Variants in NTPCR observed in about 807,000 individuals in gnomAD.
The protein encoded by NTPCR is cancer-related nucleoside-triphosphatase.
NTPCR carries 15 observed loss-of-function variants against 19.5 expected under a neutral mutation model. The observed-to-expected ratio is 0.77, with a 90% confidence interval of 0.51 to 1.18. The LOEUF (loss-of-function observed/expected upper bound fraction) is 1.18, where lower values mean the gene tolerates loss of function less well. Ranked by LOEUF, NTPCR falls within the 50% of genes most tolerant of loss-of-function variation. The probability of loss-of-function intolerance (pLI) is 0.00; values close to 1 mark genes in which losing one functional copy is unlikely to be tolerated. For synonymous variants in NTPCR, 90 were observed against 95.8 expected (o/e 0.94, Z 0.36); for missense variants, 206 against 240.4 (o/e 0.86, Z 0.95).
chr1:232,967,130 G>A (rs2102750743), intron 3 of NTPCR: 1 of 152,324 alleles, frequency 6.6e-6, no homozygotes, highest in East Asian at 1.9e-4. Flanking sequence ...TTAGAACAAT[G>A]TAAAGGGGGT....
At chr1:232,965,734 GGACT>G (rs1348458871) in intron 3 of NTPCR, 4 of 152,248 alleles carry the variant, frequency 2.6e-5, no homozygotes, top group Admixed American at 2.6e-4. Flanking sequence ...CCGTCTCACT[GGACT>G]GACTGTCAGC....
At chr1:232,953,873 G>T (rs1019787849) in intron 1 of NTPCR, among the ~76,000 whole-genome samples, 1 of 152,030 alleles carries the variant, frequency 6.6e-6, no homozygotes, top group Non-Finnish European at 1.5e-5. Context: ...TGGTTGCATG[G>T]TATTTCTGTG....
At chr1:232,953,590 A>AC (rs2102736076) in intron 1 of NTPCR, among the ~76,000 whole-genome samples, 2 of 150,486 alleles carry the variant, frequency 1.3e-5, no homozygotes, top group South Asian at 4.2e-4. Context: ...TAAGAGTAAG[A>AC]CCCATTCAGT....
At chr1:232,974,369 G>T (rs115565470) in intron 4 of NTPCR, among the ~76,000 whole-genome samples, 1 of 152,310 alleles carries the variant, frequency 6.6e-6, no homozygotes, top group Non-Finnish European at 1.5e-5. Flanking sequence ...TTATCAGAAA[G>T]GAAATGGTAA....
At chr1:232,974,718 G>A (rs1204301479) in intron 4 of NTPCR, among the ~76,000 whole-genome samples, 7 of 152,158 alleles carry the variant, frequency 4.6e-5, no homozygotes, top group African/African-American at 1.7e-4. Context: ...TCTATCCACT[G>A]GAGTTTTAGC....
chr1:232,964,412 A>G (rs1011912153), intron 3 of NTPCR: 1 of 152,038 alleles, frequency 6.6e-6, no homozygotes, highest in Non-Finnish European at 1.5e-5. Context: ...TATAGTTACT[A>G]TTTTTTTCTT....
chr1:232,958,581 G>A (rs975005226), intron 3 of NTPCR, among the ~76,000 whole-genome samples: 29 of 152,320 alleles, frequency 1.9e-4, no homozygotes, highest in Admixed American at 5.2e-4. Flanking sequence ...AACCCACCAA[G>A]TTCTCCTTTT....
chr1:232,959,272 C>G (rs1383296934), intron 3 of NTPCR, among the ~76,000 whole-genome samples: 1 of 152,110 alleles, frequency 6.6e-6, no homozygotes, highest in Non-Finnish European at 1.5e-5. Flanking sequence ...CCCCTGCACT[C>G]TCTCTCTCCC....
intron 4 of NTPCR, among the ~76,000 whole-genome samples, chr1:232,974,606 C>T (rs764973074): frequency 1.8e-4 from 28 of 152,208 alleles, no homozygotes; most frequent in East Asian, 7.7e-4. Context: ...TCTTTGGCAC[C>T]TCCTATTACC....
Position 232,982,505 on chromosome 1 carries a change from C to T in NTPCR, c.*4274C>T, listed in dbSNP as rs934002167. The T allele has an allele frequency of 3.3e-5, 5 of 152,220 alleles. No individual in the cohort carries two copies. The highest frequency in any genetic ancestry group is 7.3e-5 in the Non-Finnish European group (5 of 68,052). 9.4% of individuals were successfully genotyped at this position (152,220 alleles called of 1,614,324 possible). A position where few individuals can be genotyped will look rare whatever the true frequency, so the allele number is the denominator to read the frequency against. The stretch of plus-strand genomic sequence containing the variant: ...TCCCTCCTCCCCACAAAAGATGCCA[C>T]GAGAACTCGTGAACTGTGATAAGCA... On this transcript the variant is annotated 3_prime_UTR_variant, in exon 5 of 5. Coordinates refer to ENST00000366628, the MANE Select transcript of NTPCR (RefSeq NM_032324.3).
chr1:232,960,882 A>G (rs1668653617), intron 3 of NTPCR, among the ~76,000 whole-genome samples: 1 of 152,224 alleles, frequency 6.6e-6, no homozygotes, highest in Non-Finnish European at 1.5e-5. Context: ...ATTATAAAAA[A>G]TGTAAAATAA....
intron 4 of NTPCR, chr1:232,976,633 C>T: frequency 1.4e-6 from 2 of 1,411,430 alleles, no homozygotes; most frequent in East Asian, 2.6e-5. Flanking sequence ...TGACTGTCCT[C>T]ATTTCAAGTG....
intron 4 of NTPCR, among the ~76,000 whole-genome samples, chr1:232,974,226 A>G (rs998107176): frequency 6.6e-6 from 1 of 152,238 alleles, no homozygotes; most frequent in African/African-American, 2.4e-5. Context: ...GAAGGCCAGA[A>G]GGAGGTGGTA....
At chr1:232,977,239 CCT>C (rs1669149548) in intron 4 of NTPCR, 1 of 152,854 alleles carries the variant, frequency 6.5e-6, no homozygotes, top group South Asian at 2.1e-4. Context: ...CACACATGCC[CCT>C]GTTCCTGCCT....
intron 3 of NTPCR, chr1:232,962,808 G>C (rs1668703655): frequency 6.6e-6 from 1 of 152,180 alleles, no homozygotes; most frequent in South Asian, 2.1e-4. Flanking sequence ...TTTGAGAGCA[G>C]GATCTACTTT....
intron 3 of NTPCR, chr1:232,968,128 G>A (rs932696546): frequency 6.6e-6 from 1 of 152,176 alleles, no homozygotes; most frequent in Non-Finnish European, 1.5e-5. Flanking sequence ...CCCCAGGAAG[G>A]ATGCGGACGA....
In NTPCR at chr1:232,978,864, A is replaced by G. The variant is rs1669218453; in HGVS notation, c.*633A>G. The G allele has an allele frequency of 6.6e-6, 1 of 152,246 alleles. No individual in the cohort carries two copies. The highest frequency in any genetic ancestry group is 1.5e-5 in the Non-Finnish European group (1 of 68,054). 9.4% of individuals were successfully genotyped at this position (152,246 alleles called of 1,614,324 possible). The stretch of plus-strand genomic sequence containing the variant: ...GTTGATAGCATCTGATATTCAGCCG[A>G]CCAGATGACAAGAGCTCAGGCCCAC... On this transcript the variant is annotated 3_prime_UTR_variant, in exon 5 of 5. Transcript: ENST00000366628.
chr1:232,970,110 G>A lies in NTPCR; in HGVS notation c.496G>A (p.Val166Met), dbSNP rs1287427738. 1 of 1,612,706 alleles carries A rather than the reference G, an allele frequency of 6.2e-7. No homozygotes were observed. The highest frequency in any genetic ancestry group is 2.2e-5 in the East Asian group (1 of 44,876). The change falls in exon 4 of 5, where the codon GTG (valine) becomes ATG (methionine). Residue 166 changes from valine to methionine, a missense_variant. Val to Met is a conservative substitution (Grantham distance 21, BLOSUM62 1). Transcript: ENST00000366628. ...AATCAGAAACAGAAAGGATGTGAAGGTGTTTAATGTGAGTACAGCCAGTCC... is the reference window on the plus strand; with the variant it reads ...AATCAGAAACAGAAAGGATGTGAAGATGTTTAATGTGAGTACAGCCAGTCC... ...EEIRNRKDVK[V>M]FNVTKENRNH...
intron 4 of NTPCR, chr1:232,976,628 G>C: frequency 7.1e-7 from 1 of 1,417,236 alleles, no homozygotes; most frequent in South Asian, 1.6e-5. Flanking sequence ...AAAGCTGACT[G>C]TCCTCATTTC....
Sources: gnomAD v4.1 joint callset for allele counts (sites outside exome capture counted in the v4.1 genomes callset) on GRCh38, gnomAD v4.1.1 for gene constraint, MANE v1.5 for transcripts, NCBI Gene and HGNC (gene_info 2026-07-23, HGNC 2026-07-21) for gene names.